The following FOXP2 variants were observed in gnomAD, a reference collection of about 807,000 sequenced individuals.
FOXP2 encodes the protein forkhead box protein P2.
Under a neutral mutation model 115.8 loss-of-function variants are expected in FOXP2, and 12 were observed. The ratio of observed to expected loss-of-function variants is 0.10; its 90% CI spans 0.07 to 0.17. The LOEUF (loss-of-function observed/expected upper bound fraction) is 0.17, where lower values mean the gene tolerates loss of function less well. Among genes scored for constraint, FOXP2 ranks in the 10% least tolerant of loss-of-function variants. The pLI is 1.00. For synonymous variants in FOXP2, 328 were observed against 297.7 expected (o/e 1.10, Z -1.05); for missense variants, 629 against 843.5 (o/e 0.75, Z 3.15).
chr7:114,216,944 T>TGATAATTTTAAAAATAATCCCCTTATTGA (rs1332003239), intron 1 of FOXP2, among the ~76,000 whole-genome samples: 1 of 152,210 alleles, frequency 6.6e-6, no homozygotes, highest in Non-Finnish European at 1.5e-5. Context: ...TATTCTGATT[T>TGATAATTTTAAAAATAATCCCCTTATTGA]GATAATTTTA....
At chr7:114,180,489 C>A (rs1280274488) in intron 1 of FOXP2, among the ~76,000 whole-genome samples, 2 of 151,886 alleles carry the variant, frequency 1.3e-5, no homozygotes, top group Non-Finnish European at 2.9e-5. Flanking sequence ...TATTTCTTCT[C>A]TGAATTTGAG....
intron 11 of FOXP2, among the ~76,000 whole-genome samples, 169 bp from the exon 12 acceptor site, chr7:114,659,187 C>CA (rs2129340817): frequency 6.6e-6 from 1 of 152,294 alleles, no homozygotes; most frequent in South Asian, 2.1e-4. Flanking sequence ...CACTTCGCGT[C>CA]AGAAATGGCC....
At chr7:114,224,086 G>A (rs1462686907) in intron 1 of FOXP2, among the ~76,000 whole-genome samples, 1 of 152,004 alleles carries the variant, frequency 6.6e-6, no homozygotes, top group African/African-American at 2.4e-5. Context: ...GTTTTGAATA[G>A]TCTGTTCCTT....
intron 1 of FOXP2, among the ~76,000 whole-genome samples, chr7:114,420,701 TA>T (rs1793582792): frequency 6.6e-6 from 1 of 151,844 alleles, no homozygotes; most frequent in Non-Finnish European, 1.5e-5. Flanking sequence ...TCAGAGGTTA[TA>T]AAGTAGCAGG....
At chr7:114,305,017 C>A (rs76202634) in intron 2 of FOXP2, among the ~76,000 whole-genome samples, 3,513 of 151,998 alleles carry the variant, frequency 0.023, 90 homozygotes, top group African/African-American at 0.055. Context: ...TATTCTAGAT[C>A]TTTTAAAAAG....
At chr7:114,614,471 T>C (rs1803817034) in intron 3 of FOXP2, among the ~76,000 whole-genome samples, 1 of 152,212 alleles carries the variant, frequency 6.6e-6, no homozygotes, top group African/African-American at 2.4e-5. Flanking sequence ...TACTTTTAAC[T>C]TTGTTATGGT....
intron 1 of FOXP2, among the ~76,000 whole-genome samples, chr7:114,114,834 C>A (rs1372856604): frequency 6.6e-6 from 1 of 152,034 alleles, no homozygotes; most frequent in Admixed American, 6.6e-5. Flanking sequence ...AAAATTTTGA[C>A]TTGTATTAAA....
chr7:114,164,272 A>G (rs1251866731), intron 1 of FOXP2, among the ~76,000 whole-genome samples: 2 of 152,016 alleles, frequency 1.3e-5, no homozygotes, highest in African/African-American at 4.8e-5. Context: ...TTTTGGACTT[A>G]GATGTTCAGT....
chr7:114,190,428 G>T (rs1793727997), intron 1 of FOXP2, among the ~76,000 whole-genome samples: 1 of 152,156 alleles, frequency 6.6e-6, no homozygotes, highest in Non-Finnish European at 1.5e-5. Flanking sequence ...GGACATCAGT[G>T]CTTCTGGTTC....
At chr7:114,133,168 G>A (rs577950901) in intron 1 of FOXP2, among the ~76,000 whole-genome samples, 1 of 152,196 alleles carries the variant, frequency 6.6e-6, no homozygotes, top group Non-Finnish European at 1.5e-5. Flanking sequence ...ATTAAGTGTA[G>A]TATGTGAGAC....
intron 15 of FOXP2, 42 bp downstream of exon 15, chr7:114,663,561 G>C: frequency 7.2e-7 from 1 of 1,395,634 alleles, no homozygotes; most frequent in Non-Finnish European, 9.8e-7. Flanking sequence ...AATGTTTAGG[G>C]CTTTTTTTTT....
At chr7:114,607,870 G>T (rs1266367664) in intron 3 of FOXP2, among the ~76,000 whole-genome samples, 1 of 152,056 alleles carries the variant, frequency 6.6e-6, no homozygotes, top group African/African-American at 2.4e-5. Flanking sequence ...GGAAAGAGAA[G>T]GAGATTATAT....
intron 3 of FOXP2, among the ~76,000 whole-genome samples, chr7:114,555,537 C>T (rs1800412112): frequency 6.6e-6 from 1 of 152,178 alleles, no homozygotes; most frequent in Admixed American, 6.5e-5. Context: ...TGGCTCATGC[C>T]TGTAATCTCA....
chr7:114,118,933 T>C lies in FOXP2; in HGVS notation c.-247+31095T>C, dbSNP rs552515255. Among the ~76,000 whole-genome samples the C allele has an allele frequency of 6.6e-5, 10 of 152,150 alleles. No individual in the cohort carries two copies. The East Asian group carries it at 1.6e-3, about 24-fold the overall frequency. Reference sequence around the variant, plus strand: ...AGGCAGTTTGACTCATATACAAAGGTTGGAAATGAAGGTTGTTCTGGCTCT... The same window carrying C: ...AGGCAGTTTGACTCATATACAAAGGCTGGAAATGAAGGTTGTTCTGGCTCT... On this transcript the variant is annotated intron_variant, in intron 1 of 19. Transcript: ENST00000635638.
At chr7:114,427,927 A>C (rs1457605210) in intron 2 of FOXP2, among the ~76,000 whole-genome samples, 1 of 151,730 alleles carries the variant, frequency 6.6e-6, no homozygotes. Flanking sequence ...AATAAGTATT[A>C]GAAAAACAAT....
chr7:114,307,556 A>G (rs1797044800), intron 2 of FOXP2, among the ~76,000 whole-genome samples: 1 of 152,170 alleles, frequency 6.6e-6, no homozygotes, highest in Admixed American at 6.5e-5. Flanking sequence ...TCAAAGGGGT[A>G]CATAAGTTCT....
chr7:114,625,746 G>GA (rs976419318), intron 3 of FOXP2, among the ~76,000 whole-genome samples: 18 of 151,688 alleles, frequency 1.2e-4, no homozygotes, highest in African/African-American at 2.2e-4. Context: ...CTTTGTTGTA[G>GA]AAAAAACTAG....
At chr7:114,249,211 T>A (rs1189597274) in intron 1 of FOXP2, among the ~76,000 whole-genome samples, 1 of 152,092 alleles carries the variant, frequency 6.6e-6, no homozygotes, top group Admixed American at 6.5e-5. Flanking sequence ...TCTATTTTAT[T>A]TTATTTTATT....
chr7:114,566,617 G>A (rs922532777), intron 3 of FOXP2, among the ~76,000 whole-genome samples: 1 of 152,058 alleles, frequency 6.6e-6, no homozygotes, highest in African/African-American at 2.4e-5. Context: ...TTCTTGTACA[G>A]CGTGCAAAAC....
Sources: allele counts gnomAD v4.1 joint callset (sites outside exome capture counted in the v4.1 genomes callset), GRCh38; gene constraint gnomAD v4.1.1; transcripts MANE v1.5; gene names NCBI Gene and HGNC (gene_info 2026-07-23, HGNC 2026-07-21).